CTNND2: variants seen among roughly 807,000 people sequenced by gnomAD.
CTNND2 encodes catenin delta-2.
Under a neutral mutation model 144.4 loss-of-function variants are expected in CTNND2, and 22 were observed. That is an observed-to-expected ratio of 0.15 (90% confidence interval 0.11 to 0.22). The LOEUF (loss-of-function observed/expected upper bound fraction) is 0.22. Ranked by LOEUF, CTNND2 falls within the 10% of genes least tolerant of loss-of-function variation. The pLI is 1.00. For synonymous variants in CTNND2, 751 were observed against 695.6 expected, an observed-to-expected ratio of 1.08 and a Z score of -1.25; for missense variants, 1,353 against 1,618.8, an observed-to-expected ratio of 0.84 and a Z score of 2.82.
chr5:11,018,161 A>G (rs1260961356), intron 17 of CTNND2, 103 bp from the exon 18 acceptor site: 1 of 762,046 alleles, frequency 1.3e-6, no homozygotes, highest in Non-Finnish European at 2.3e-6. Flanking sequence ...TATTATATCT[A>G]TTATGGTGAT....
chr5:11,653,274 T>C (rs1312859262), intron 2 of CTNND2, among the ~76,000 whole-genome samples: 1 of 152,180 alleles, frequency 6.6e-6, no homozygotes. Flanking sequence ...ATACCCATTA[T>C]AGTGCGATTG....
chr5:11,893,719 C>T (rs1433977531), intron 1 of CTNND2, among the ~76,000 whole-genome samples: 1 of 152,170 alleles, frequency 6.6e-6, no homozygotes, highest in Non-Finnish European at 1.5e-5. Flanking sequence ...CACTCCGCTT[C>T]TGTCCTAGGT....
At chr5:11,393,354 T>C (rs1480175334) in intron 6 of CTNND2, among the ~76,000 whole-genome samples, 1 of 152,200 alleles carries the variant, frequency 6.6e-6, no homozygotes, top group Non-Finnish European at 1.5e-5. Flanking sequence ...TATGCAAAGA[T>C]TTTGAAATCT....
rs28627871 is a variant in CTNND2 at position 11,333,821 on chromosome 5, C to T, written c.1628+12551G>A. Among the ~76,000 whole-genome samples, 677 of 152,224 alleles carry T rather than the reference C, an allele frequency of 4.4e-3. 3 individuals carry two copies. The highest frequency in any genetic ancestry group is 0.016 in the African/African-American group (651 of 41,524). ...ATGGGCTGTTTGGACGTCCTTAGGA[C>T]GTCAGCCTGGCTCCCTTACCTTCAG... On this transcript the variant is annotated intron_variant, in intron 9 of 21. Coordinates refer to ENST00000304623, the MANE Select transcript of CTNND2 (RefSeq NM_001332.4).
intron 1 of CTNND2, among the ~76,000 whole-genome samples, chr5:11,753,067 C>G (rs925602353): frequency 6.6e-6 from 1 of 151,704 alleles, no homozygotes; most frequent in Non-Finnish European, 1.5e-5. Context: ...GTAAGATCTA[C>G]GAGCTCTGGG....
chr5:11,588,107 ATT>A (rs1778993592), intron 2 of CTNND2, among the ~76,000 whole-genome samples: 1 of 152,142 alleles, frequency 6.6e-6, no homozygotes, highest in Non-Finnish European at 1.5e-5. Context: ...AAAACATGTA[ATT>A]ATTGTATTCT....
chr5:11,897,613 G>A (rs1207237477), intron 1 of CTNND2, among the ~76,000 whole-genome samples: 1 of 152,120 alleles, frequency 6.6e-6, no homozygotes, highest in Non-Finnish European at 1.5e-5. Flanking sequence ...AGAATAACAT[G>A]AAAAATAGGG....
intron 9 of CTNND2, among the ~76,000 whole-genome samples, chr5:11,313,258 G>GGCA: frequency 6.6e-6 from 1 of 152,154 alleles, no homozygotes; most frequent in South Asian, 2.1e-4. Context: ...CAGGATTTGG[G>GGCA]GCAGCAGCAG....
intron 6 of CTNND2, among the ~76,000 whole-genome samples, chr5:11,388,134 A>T (rs1011874512): frequency 2.0e-5 from 3 of 152,224 alleles, no homozygotes; most frequent in Non-Finnish European, 2.9e-5. Context: ...GCATGAAAAA[A>T]GGAAAAGTAT....
At chr5:11,535,112 C>T (rs1203556175) in intron 3 of CTNND2, among the ~76,000 whole-genome samples, 3 of 151,342 alleles carry the variant, frequency 2.0e-5, no homozygotes, top group Non-Finnish European at 4.4e-5. Context: ...GGCTTGAACC[C>T]AGGAGGCAGA....
chr5:11,863,450 T>C (rs1795597354), intron 1 of CTNND2, among the ~76,000 whole-genome samples: 1 of 152,192 alleles, frequency 6.6e-6, no homozygotes, highest in Non-Finnish European at 1.5e-5. Flanking sequence ...GGTGTAAGCA[T>C]TACATGGACA....
At chr5:11,044,734 G>A (rs898004493) in intron 16 of CTNND2, among the ~76,000 whole-genome samples, 5 of 152,188 alleles carry the variant, frequency 3.3e-5, no homozygotes, top group Non-Finnish European at 7.3e-5. Context: ...CAGGAGCAGA[G>A]TGGTGGACAG....
intron 1 of CTNND2, among the ~76,000 whole-genome samples, chr5:11,736,646 G>A (rs538555510): frequency 1.7e-4 from 26 of 152,188 alleles, no homozygotes; most frequent in African/African-American, 5.5e-4. Context: ...TTCTAACTTC[G>A]CAGTAATATG....
intron 7 of CTNND2, among the ~76,000 whole-genome samples, chr5:11,377,869 G>T (rs1305775741): frequency 6.6e-6 from 1 of 152,150 alleles, no homozygotes; most frequent in Non-Finnish European, 1.5e-5. Context: ...GTAGAATAGA[G>T]GTGCTATATC....
intron 2 of CTNND2, among the ~76,000 whole-genome samples, chr5:11,705,817 A>G (rs2126679872): frequency 6.6e-6 from 1 of 152,290 alleles, no homozygotes; most frequent in South Asian, 2.1e-4. Flanking sequence ...GATAGGACCC[A>G]TGACTTGCTC....
chr5:11,420,087 G>A lies in CTNND2; in HGVS notation c.288-8018C>T, dbSNP rs970822268. On this transcript the variant is annotated intron_variant, in intron 3 of 21. Coordinates refer to ENST00000304623, the MANE Select transcript of CTNND2 (RefSeq NM_001332.4). ...CACCTGTAATCCCACAAGTTTGGGA[G>A]GCCGAGGCGGGCGATCACAAGATCA... Among the ~76,000 whole-genome samples, 35 of 152,134 alleles carry A rather than the reference G, an allele frequency of 2.3e-4. 1 individual carries two copies. The highest frequency in any genetic ancestry group is 1.5e-5 in the Non-Finnish European group (1 of 68,034).
chr5:11,808,645 T>C (rs1297643626), intron 1 of CTNND2, among the ~76,000 whole-genome samples: 2 of 152,178 alleles, frequency 1.3e-5, no homozygotes, highest in Non-Finnish European at 2.9e-5. Context: ...TTCTCCTGCA[T>C]CTGCTTTCTT....
At position 11,344,876 on chromosome 5, in the gene CTNND2, T is replaced by C. The variant is rs185920488; in HGVS notation, c.1628+1496A>G. 3.3e-4 allele frequency among the ~76,000 whole-genome samples: 51 copies of C among 152,310 alleles called. 1 individual carries two copies. The East Asian group carries it at 8.3e-3, about 25-fold the overall frequency. On this transcript the variant is annotated intron_variant, in intron 9 of 21. Coordinates refer to ENST00000304623, the MANE Select transcript of CTNND2 (RefSeq NM_001332.4). ...ATTTAATAAAATAAAATGCATTTAA[T>C]ACACAGTATTAAATACAGAAGCTAT...
chr5:11,585,246 T>G (rs1778756188), intron 2 of CTNND2, among the ~76,000 whole-genome samples: 1 of 152,004 alleles, frequency 6.6e-6, no homozygotes, highest in Non-Finnish European at 1.5e-5. Flanking sequence ...GTAAGAAGGG[T>G]GTTGGAACAT....
Sources: allele counts gnomAD v4.1 joint callset (sites outside exome capture counted in the v4.1 genomes callset), GRCh38; gene constraint gnomAD v4.1.1; transcripts MANE v1.5; gene names NCBI Gene and HGNC (gene_info 2026-07-23, HGNC 2026-07-21).